The following SUSD6 variants were observed in gnomAD, a reference collection of about 807,000 sequenced individuals.
The protein encoded by SUSD6 is sushi domain-containing protein 6.
A neutral mutation model predicts 28.4 loss-of-function variants in SUSD6; 16 were observed. The ratio of observed to expected loss-of-function variants is 0.56; its 90% CI spans 0.38 to 0.86. SUSD6 has a LOEUF of 0.86. SUSD6 is among the 40% of genes least tolerant of loss of function. The pLI is 0.00. For synonymous variants in SUSD6, 147 were observed against 159.6 expected (o/e 0.92, Z 0.59); for missense variants, 341 against 384.2 (o/e 0.89, Z 0.94).
At chr14:69,661,636 T>C (rs1378615040) in intron 2 of SUSD6, among the ~76,000 whole-genome samples, 1 of 152,130 alleles carries the variant, frequency 6.6e-6, no homozygotes, top group African/African-American at 2.4e-5. Context: ...GGGGAGTAGG[T>C]GCCCTTTCTA....
At chr14:69,701,489 A>G (rs564436726) in intron 2 of SUSD6, among the ~76,000 whole-genome samples, 1 of 152,162 alleles carries the variant, frequency 6.6e-6, no homozygotes, top group African/African-American at 2.4e-5. Flanking sequence ...AGTCAGGGAG[A>G]TCTGTGGCAG....
At chr14:69,698,900 C>CT (rs201052234) in intron 2 of SUSD6, among the ~76,000 whole-genome samples, 3,147 of 152,180 alleles carry the variant, frequency 0.021, 57 homozygotes, top group Middle Eastern at 0.041. Context: ...TTCTCCTTTT[C>CT]TTTTTAAAAT....
chr14:69,671,485 T>A (rs1885831251), intron 2 of SUSD6, among the ~76,000 whole-genome samples: 1 of 152,176 alleles, frequency 6.6e-6, no homozygotes, highest in Non-Finnish European at 1.5e-5. Flanking sequence ...GTAGGAGGCA[T>A]GTCTGACAAA....
At chr14:69,679,291 T>C (rs947620505) in intron 2 of SUSD6, among the ~76,000 whole-genome samples, 11 of 152,360 alleles carry the variant, frequency 7.2e-5, no homozygotes, top group African/African-American at 2.4e-4. Context: ...GCACTCATTG[T>C]TTCATGAGTG....
intron 1 of SUSD6, among the ~76,000 whole-genome samples, chr14:69,634,230 A>G (rs556754010): frequency 5.8e-4 from 89 of 152,338 alleles, no homozygotes; most frequent in Middle Eastern, 6.8e-3. Flanking sequence ...GCCACAGGGA[A>G]GCTTATAGCT....
chr14:69,631,217 C>G (rs1221385398), intron 1 of SUSD6, among the ~76,000 whole-genome samples: 1 of 152,196 alleles, frequency 6.6e-6, no homozygotes, highest in African/African-American at 2.4e-5. Flanking sequence ...CAAGCCAAGT[C>G]CAAGTCCCAC....
At chr14:69,692,058 A>T (rs1004769304) in intron 2 of SUSD6, among the ~76,000 whole-genome samples, 5 of 150,404 alleles carry the variant, frequency 3.3e-5, no homozygotes, top group African/African-American at 1.2e-4. Context: ...AAAAAAAAAG[A>T]AGTCATGTGT....
chr14:69,683,629 G>C (rs1886030105), intron 2 of SUSD6, among the ~76,000 whole-genome samples: 1 of 152,162 alleles, frequency 6.6e-6, no homozygotes, highest in Non-Finnish European at 1.5e-5. Context: ...TGAGGCCAGT[G>C]GGGGCTGCCT....
At chr14:69,677,353 G>A (rs2139628124) in intron 2 of SUSD6, among the ~76,000 whole-genome samples, 1 of 152,212 alleles carries the variant, frequency 6.6e-6, no homozygotes, top group East Asian at 1.9e-4. Flanking sequence ...AGACTATCCT[G>A]GCTAACACGG....
At chr14:69,698,253 A>G (rs1012935516) in intron 2 of SUSD6, among the ~76,000 whole-genome samples, 1 of 152,180 alleles carries the variant, frequency 6.6e-6, no homozygotes, top group African/African-American at 2.4e-5. Context: ...GCTTGAACCC[A>G]TGAGGCAGAG....
chr14:69,650,973 G>A (rs1885496112), intron 1 of SUSD6, among the ~76,000 whole-genome samples: 1 of 152,186 alleles, frequency 6.6e-6, no homozygotes, highest in Non-Finnish European at 1.5e-5. Flanking sequence ...AATGAGGATA[G>A]AGTTAATGTT....
chr14:69,628,847 C>G (rs548072069), intron 1 of SUSD6, among the ~76,000 whole-genome samples: 129 of 151,484 alleles, frequency 8.5e-4, no homozygotes, highest in African/African-American at 3.1e-3. Context: ...GCTGGGACTA[C>G]AGGCACATAC....
chr14:69,632,038 GGAAAGA>G (rs1438426360), intron 1 of SUSD6, among the ~76,000 whole-genome samples: 1 of 152,132 alleles, frequency 6.6e-6, no homozygotes, highest in Non-Finnish European at 1.5e-5. Flanking sequence ...TTAATGGTTG[GGAAAGA>G]GGGCTAAATT....
intron 1 of SUSD6, among the ~76,000 whole-genome samples, chr14:69,648,789 A>G (rs577039568): frequency 6.6e-6 from 1 of 152,344 alleles, no homozygotes; most frequent in East Asian, 1.9e-4. Flanking sequence ...TTTAGCTCCT[A>G]AACATTCTTT....
chr14:69,679,400 A>C (rs897221287), intron 2 of SUSD6, among the ~76,000 whole-genome samples: 1 of 152,122 alleles, frequency 6.6e-6, no homozygotes, highest in Admixed American at 6.6e-5. Flanking sequence ...TAAATATGTA[A>C]AATTTTTAGT....
intron 1 of SUSD6, among the ~76,000 whole-genome samples, chr14:69,640,474 A>G (rs984379272): frequency 6.6e-5 from 10 of 152,036 alleles, no homozygotes; most frequent in African/African-American, 2.4e-4. Context: ...AGCCAGGACT[A>G]CAGGTGCACA....
At chr14:69,663,724 A>G (rs146273574) in intron 2 of SUSD6, among the ~76,000 whole-genome samples, 31 of 152,292 alleles carry the variant, frequency 2.0e-4, no homozygotes, top group African/African-American at 7.5e-4. Context: ...GATGATTTTA[A>G]GTGGTGAGGC....
chr14:69,653,738 C>G (rs1885537481), intron 1 of SUSD6, among the ~76,000 whole-genome samples: 1 of 128,694 alleles, frequency 7.8e-6, no homozygotes, highest in South Asian at 2.6e-4. Context: ...TAATGAATAC[C>G]TAGTGAAACT....
intron 1 of SUSD6, among the ~76,000 whole-genome samples, chr14:69,643,856 C>A (rs939304286): frequency 2.6e-5 from 4 of 152,224 alleles, no homozygotes; most frequent in African/African-American, 9.6e-5. Context: ...AAGCAGCATA[C>A]CTAGGCCCTG....
Sources: allele counts gnomAD v4.1 joint callset (sites outside exome capture counted in the v4.1 genomes callset), GRCh38; gene constraint gnomAD v4.1.1; transcripts MANE v1.5; gene names NCBI Gene and HGNC (gene_info 2026-07-23, HGNC 2026-07-21).